CDKL5: variants seen among roughly 807,000 people sequenced by gnomAD.
The protein encoded by CDKL5 is cyclin-dependent kinase-like 5.
In CDKL5, 8 loss-of-function variants were observed where a neutral mutation model predicts 61.7. The observed-to-expected ratio is 0.13, with a 90% confidence interval of 0.08 to 0.23. CDKL5 has a LOEUF of 0.23. Among genes scored for constraint, CDKL5 ranks in the 10% least tolerant of loss-of-function variants. The probability of loss-of-function intolerance (pLI) is 1.00; values close to 1 mark genes in which losing one functional copy is unlikely to be tolerated. For synonymous variants in CDKL5, 275 were observed against 272.3 expected, an observed-to-expected ratio of 1.01 and a Z score of -0.10; for missense variants, 440 against 734.5, an observed-to-expected ratio of 0.60 and a Z score of 4.63.
chrX:18,434,461 T>C (rs1189722262), intron 1 of CDKL5, among the ~76,000 whole-genome samples: 1 of 111,752 alleles, frequency 8.9e-6, no homozygotes, highest in Admixed American at 9.6e-5. Context: ...CAATCGTAAC[T>C]GGTTTGAAAT....
intron 3 of CDKL5, among the ~76,000 whole-genome samples, chrX:18,517,176 T>C (rs960743713): frequency 8.9e-6 from 1 of 111,949 alleles, no homozygotes; most frequent in Non-Finnish European, 1.9e-5. Context: ...ATGTTACAAT[T>C]AGTATTACCT....
intron 3 of CDKL5, among the ~76,000 whole-genome samples, chrX:18,533,140 T>G (rs1470006143): frequency 8.9e-6 from 1 of 112,201 alleles, no homozygotes. Flanking sequence ...TAAAATGATT[T>G]GCCGTACTGA....
rs1419362428 is a variant in CDKL5 at position 18,533,599 on chromosome X, G to T, written c.99+22745G>T. On this transcript the variant is annotated intron_variant, in intron 3 of 17. Transcript: ENST00000623535. The stretch of plus-strand genomic sequence containing the variant: ...TTCAGTAAATACATATTTAAGTTGG[G>T]ACCCCTATTGTCAGGGACTTGACCT... 1.1e-4 allele frequency among the ~76,000 whole-genome samples: 12 copies of T among 111,650 alleles called. No individual in the cohort carries two copies. The East Asian group carries it at 3.4e-3, about 31-fold the overall frequency.
intron 1 of CDKL5, among the ~76,000 whole-genome samples, chrX:18,435,154 A>G (rs940857313): frequency 1.8e-5 from 2 of 111,357 alleles, no homozygotes; most frequent in Non-Finnish European, 3.8e-5. Flanking sequence ...AGAATCTTTC[A>G]AAGATTACCA....
intron 2 of CDKL5, among the ~76,000 whole-genome samples, chrX:18,509,890 G>GC (rs1279678250): frequency 9.1e-6 from 1 of 109,846 alleles, no homozygotes; most frequent in Non-Finnish European, 1.9e-5. Flanking sequence ...GGTGGTGCAT[G>GC]CCTATAATCC....
At chrX:18,621,217 A>G (rs1192926381) in intron 16 of CDKL5, among the ~76,000 whole-genome samples, 3 of 112,210 alleles carry the variant, frequency 2.7e-5, no homozygotes, top group African/African-American at 9.7e-5. Context: ...AAATTATAGA[A>G]TTATGACTCA....
chrX:18,501,932 T>C (rs1002248540), intron 1 of CDKL5, among the ~76,000 whole-genome samples: 1 of 112,504 alleles, frequency 8.9e-6, no homozygotes, highest in Non-Finnish European at 1.9e-5. Flanking sequence ...CAAGTTTCCT[T>C]TGAAATGAAC....
intron 1 of CDKL5, among the ~76,000 whole-genome samples, chrX:18,441,141 C>T: frequency 9.0e-6 from 1 of 111,198 alleles, no homozygotes; most frequent in Non-Finnish European, 1.9e-5. Context: ...CATGGCTGGG[C>T]ATGGTGGCTC....
At chrX:18,469,039 C>CA (rs1253748170) in intron 1 of CDKL5, among the ~76,000 whole-genome samples, 1 of 110,860 alleles carries the variant, frequency 9.0e-6, no homozygotes, top group Non-Finnish European at 1.9e-5. Flanking sequence ...GAAAAGGTCA[C>CA]AAAAAATCAT....
At chrX:18,490,207 G>C (rs887476503) in intron 1 of CDKL5, among the ~76,000 whole-genome samples, 4 of 110,917 alleles carry the variant, frequency 3.6e-5, no homozygotes, top group Non-Finnish European at 7.5e-5. Flanking sequence ...TGTAAGTAAT[G>C]CATTTCCTTG....
chrX:18,493,875 G>A (rs2147082051), intron 1 of CDKL5, among the ~76,000 whole-genome samples: 1 of 111,678 alleles, frequency 9.0e-6, no homozygotes, highest in East Asian at 2.8e-4. Flanking sequence ...TAACCAATAG[G>A]GTATCTGAAA....
intron 1 of CDKL5, among the ~76,000 whole-genome samples, chrX:18,433,157 G>A (rs2147617562): frequency 9.1e-6 from 1 of 109,852 alleles, no homozygotes; most frequent in African/African-American, 3.3e-5. Context: ...GAGCTTGGGA[G>A]GCAGAGGTTG....
chrX:18,608,503 G>T (rs1926435736), intron 12 of CDKL5, among the ~76,000 whole-genome samples: 1 of 111,361 alleles, frequency 9.0e-6, no homozygotes, highest in African/African-American at 3.3e-5. Context: ...GGGCCGCTCA[G>T]AACCATGACT....
chrX:18,573,967 T>C (rs187307117), intron 4 of CDKL5, among the ~76,000 whole-genome samples: 2 of 111,695 alleles, frequency 1.8e-5, no homozygotes, highest in Non-Finnish European at 3.8e-5. Flanking sequence ...ATTTAGAATC[T>C]TCCCTCTCCC....
intron 17 of CDKL5, among the ~76,000 whole-genome samples, chrX:18,626,497 A>G (rs1395847963): frequency 9.0e-6 from 1 of 110,752 alleles, no homozygotes; most frequent in Admixed American, 9.6e-5. Flanking sequence ...GGGATGGTGG[A>G]AGCATAGAGA....
chrX:18,559,766 A>G (rs1401052636), intron 3 of CDKL5, among the ~76,000 whole-genome samples: 1 of 100,767 alleles, frequency 9.9e-6, no homozygotes, highest in African/African-American at 3.6e-5. Flanking sequence ...TATATCTCCT[A>G]ATGCTATCCC....
At chrX:18,624,236 T>C (rs1231746955) in intron 16 of CDKL5, among the ~76,000 whole-genome samples, 1 of 112,547 alleles carries the variant, frequency 8.9e-6, no homozygotes, top group African/African-American at 3.2e-5. Flanking sequence ...TAGTTTGTCA[T>C]GTCTGATTAG....
chrX:18,580,240 C>G (rs1031730271), intron 6 of CDKL5, among the ~76,000 whole-genome samples: 3 of 111,742 alleles, frequency 2.7e-5, no homozygotes, highest in Non-Finnish European at 3.8e-5. Flanking sequence ...GTAGAAATGC[C>G]TAGTGATATA....
At chrX:18,530,288 A>T (rs1209636335) in intron 3 of CDKL5, among the ~76,000 whole-genome samples, 1 of 105,518 alleles carries the variant, frequency 9.5e-6, no homozygotes, top group African/African-American at 3.5e-5. Flanking sequence ...GTGAGCCAAG[A>T]TCACACCACT....
Sources: gnomAD v4.1 joint callset for allele counts (sites outside exome capture counted in the v4.1 genomes callset) on GRCh38, gnomAD v4.1.1 for gene constraint, MANE v1.5 for transcripts, NCBI Gene and HGNC (gene_info 2026-07-23, HGNC 2026-07-21) for gene names.